Variants in MAPK10 observed in about 807,000 individuals in gnomAD.
MAPK10 encodes JNK3 alpha protein kinase.
Under a neutral mutation model 59.3 loss-of-function variants are expected in MAPK10, and 25 were observed. That is an observed-to-expected ratio of 0.42 (90% CI 0.31 to 0.59). MAPK10 has a LOEUF of 0.59. Ranked by LOEUF, MAPK10 falls within the 20% of genes least tolerant of loss-of-function variation. The pLI, the probability that MAPK10 is intolerant of heterozygous loss-of-function variation, is 0.15. For missense variants in MAPK10, 351 were observed against 568.9 expected, an observed-to-expected ratio of 0.62 and a Z score of 3.90; for synonymous variants, 190 against 200.5, an observed-to-expected ratio of 0.95 and a Z score of 0.44.
intron 1 of MAPK10, chr4:86,383,993 T>C (rs922823361): frequency 2.6e-5 from 4 of 152,218 alleles, no homozygotes; most frequent in Non-Finnish European, 5.9e-5. Flanking sequence ...GACATATCAT[T>C]TCTTTCATCC....
At chr4:86,018,480 A>C (rs553762431) in intron 13 of MAPK10, among the ~76,000 whole-genome samples, 1 of 152,336 alleles carries the variant, frequency 6.6e-6, no homozygotes, top group Non-Finnish European at 1.5e-5. Context: ...TAACTTGAAA[A>C]AATTGTTTAT....
intron 1 of MAPK10, among the ~76,000 whole-genome samples, chr4:86,519,678 T>A (rs1304492118): frequency 2.0e-5 from 3 of 151,756 alleles, no homozygotes; most frequent in Admixed American, 1.3e-4. Flanking sequence ...ATACCTCATT[T>A]TGTGTGTGTG....
chr4:86,478,322 G>A (rs1368183261), intron 1 of MAPK10, among the ~76,000 whole-genome samples: 1 of 152,012 alleles, frequency 6.6e-6, no homozygotes, highest in Non-Finnish European at 1.5e-5. Context: ...ATTACCCACA[G>A]CCAAAGTGCA....
intron 2 of MAPK10, among the ~76,000 whole-genome samples, chr4:86,331,391 T>C (rs999065872): frequency 2.4e-4 from 37 of 152,164 alleles, no homozygotes; most frequent in African/African-American, 7.2e-4. Flanking sequence ...GTTATTTTCT[T>C]TGAATACAGG....
rs1743147121 is a variant in MAPK10, at chr4:86,397,863, G to GC, written c.-121-43220dup. ...TTACGTAAGCTCTGAATCTGCTATGGCAAAAAAAAAAAAAAAAAAAAAAAA... is the reference window on the plus strand; with the variant it reads ...TTACGTAAGCTCTGAATCTGCTATGGCCAAAAAAAAAAAAAAAAAAAAAAAA... On this transcript the variant is annotated intron_variant, in intron 1 of 13. Coordinates refer to the MAPK10 transcript ENST00000361569. Among the ~76,000 whole-genome samples, 11 of 71,932 alleles carry GC rather than the reference G, an allele frequency of 1.5e-4. No homozygotes were observed. The Admixed American group carries it at 1.9e-3, about 12-fold the overall frequency. The allele number at this position is 71,932 out of a possible 152,430, so 47.2% of individuals were successfully genotyped here.
rs1271186389 is a variant in MAPK10 at position 86,014,004 on chromosome 4, G to A, written c.*3224C>T. On this transcript the variant is annotated 3_prime_UTR_variant, in exon 14 of 14. Transcript: ENST00000641462. ...GACATATTAATAGTAAAGTGGTGGC[G>A]GTTTTGCCAAACTCTTGCAGCAGTT... The A allele has an allele frequency of 3.3e-5, 5 of 152,230 alleles. No individual in the cohort carries two copies. Among genetic ancestry groups the A allele is most frequent in the South Asian group, 2.1e-4 (1 of 4,802 alleles). 9.4% of individuals were successfully genotyped at this position (152,230 alleles called of 1,614,324 possible).
chr4:86,169,465 C>T (rs1180426877), intron 3 of MAPK10, among the ~76,000 whole-genome samples: 1 of 151,996 alleles, frequency 6.6e-6, no homozygotes, highest in African/African-American at 2.4e-5. Flanking sequence ...AGGATATCAG[C>T]AATGGAAGAT....
intron 2 of MAPK10, among the ~76,000 whole-genome samples, chr4:86,260,401 C>A (rs943897127): frequency 1.3e-5 from 2 of 152,036 alleles, no homozygotes; most frequent in Admixed American, 6.6e-5. Flanking sequence ...ACAGTGGTTT[C>A]TTTCTTTAGG....
chr4:86,025,875 T>G (rs1205412357), intron 13 of MAPK10, among the ~76,000 whole-genome samples: 1 of 151,454 alleles, frequency 6.6e-6, no homozygotes, highest in Non-Finnish European at 1.5e-5. Flanking sequence ...TAACCCCCAA[T>G]CCCAACAACA....
At chr4:86,071,736 G>T (rs1023677120) in intron 9 of MAPK10, among the ~76,000 whole-genome samples, 7 of 151,082 alleles carry the variant, frequency 4.6e-5, no homozygotes, top group African/African-American at 1.7e-4. Flanking sequence ...GCTCTGTTCT[G>T]TTCCATTGAT....
chr4:86,147,746 T>G (rs971799915), intron 4 of MAPK10, among the ~76,000 whole-genome samples: 13 of 152,234 alleles, frequency 8.5e-5, no homozygotes, highest in Admixed American at 8.5e-4. Context: ...TGGTATAGTA[T>G]TTAATAAATG....
chr4:86,438,088 G>T lies in MAPK10; in HGVS notation c.-122+14942C>A, dbSNP rs539446802. ...TTCAGGGCATTGGTTACCTTCAAGA[G>T]GGAATTAGTCACTGATAGAGGGCAT... On this transcript the variant is annotated intron_variant, in intron 1 of 13. Transcript: ENST00000361569. Among the ~76,000 whole-genome samples, 3 of 152,240 alleles carry T rather than the reference G, an allele frequency of 2.0e-5. No homozygotes were observed. In the South Asian group the frequency reaches 6.2e-4, roughly 32 times the overall value.
intron 9 of MAPK10, among the ~76,000 whole-genome samples, chr4:86,093,421 TTTG>T (rs1281849714): frequency 6.6e-6 from 1 of 151,940 alleles, no homozygotes; most frequent in African/African-American, 2.4e-5. Context: ...TTGAAAATTA[TTTG>T]TTATAATTTT....
chr4:86,121,043 A>G (rs1437723622), intron 4 of MAPK10, among the ~76,000 whole-genome samples: 1 of 152,240 alleles, frequency 6.6e-6, no homozygotes, highest in Non-Finnish European at 1.5e-5. Flanking sequence ...ACCAAATGAA[A>G]ACCAGAAACA....
At chr4:86,135,699 C>T (rs1562157627) in intron 4 of MAPK10, among the ~76,000 whole-genome samples, 1 of 152,000 alleles carries the variant, frequency 6.6e-6, no homozygotes, top group Non-Finnish European at 1.5e-5. Flanking sequence ...ATGACTTTGA[C>T]GAGCTGAGAG....
intron 4 of MAPK10, among the ~76,000 whole-genome samples, chr4:86,143,229 C>T (rs1476130057): frequency 6.6e-6 from 1 of 152,158 alleles, no homozygotes; most frequent in Non-Finnish European, 1.5e-5. Flanking sequence ...GAAAATGTCC[C>T]CATGATCCAA....
intron 1 of MAPK10, chr4:86,358,452 TATC>T: frequency 1.2e-6 from 1 of 828,430 alleles, no homozygotes; most frequent in South Asian, 5.5e-5. Context: ...TCATAAAAGT[TATC>T]ATCAACATGG....
At chr4:86,152,731 C>G (rs188097727) in intron 4 of MAPK10, 9 of 152,184 alleles carry the variant, frequency 5.9e-5, no homozygotes, top group Admixed American at 4.6e-4. Context: ...TCCTCTAAGC[C>G]TTGGTATTTT....
intron 9 of MAPK10, among the ~76,000 whole-genome samples, chr4:86,068,562 C>T (rs1273496095): frequency 6.6e-6 from 1 of 152,036 alleles, no homozygotes; most frequent in African/African-American, 2.4e-5. Flanking sequence ...AAAGAAGCCA[C>T]CTATTTCATA....
Sources: gnomAD v4.1 joint callset for allele counts (sites outside exome capture counted in the v4.1 genomes callset) on GRCh38, gnomAD v4.1.1 for gene constraint, MANE v1.5 for transcripts, NCBI Gene and HGNC (gene_info 2026-07-23, HGNC 2026-07-21) for gene names.